RILPL2: variants seen among roughly 807,000 people sequenced by gnomAD.
RILPL2 encodes the protein Rab interacting lysosomal protein like 2.
In RILPL2, 19 loss-of-function variants were observed where a neutral mutation model predicts 22.2. That is an observed-to-expected ratio of 0.86 (90% CI 0.60 to 1.25). The LOEUF (loss-of-function observed/expected upper bound fraction) is 1.25, where lower values mean the gene tolerates loss of function less well. Ranked by LOEUF, RILPL2 falls within the 50% of genes most tolerant of loss-of-function variation. RILPL2 has a pLI of 0.00. For missense variants in RILPL2, 243 were observed against 263.6 expected (o/e 0.92, Z 0.54); for synonymous variants, 123 against 111.6 (o/e 1.10, Z -0.64).
intron 2 of RILPL2, among the ~76,000 whole-genome samples, chr12:123,428,644 G>T (rs1230612264): frequency 6.6e-6 from 1 of 152,144 alleles, no homozygotes; most frequent in Non-Finnish European, 1.5e-5. Context: ...AAGCTTTCGT[G>T]ATCTAAATGC....
chr12:123,436,421 G>A lies in RILPL2; in HGVS notation c.-1C>T. 1.3e-6 allele frequency: 2 copies of A among 1,545,940 alleles called. No individual in the cohort carries two copies. The highest frequency in any genetic ancestry group is 1.7e-6 in the Non-Finnish European group (2 of 1,146,648). On this transcript the variant is annotated 5_prime_UTR_variant, in exon 1 of 4. Transcript: ENST00000280571. The surrounding 1 kb of genome is among the most constrained non-coding windows in gnomAD (Gnocchi z 6.7). ...CTTCTCGCACAGGGGGCTCCTCCAT[G>A]GCCACCCAGACCCCCGCCGACCTCG... is the stretch of plus-strand genomic sequence containing the variant.
rs1387073787 is a variant in RILPL2 at position 123,423,165 on chromosome 12, A to G, written c.492-8T>C. On this transcript the variant is annotated splice_region_variant and splice_polypyrimidine_tract_variant and intron_variant, in intron 2 of 3. Coordinates refer to ENST00000280571, the MANE Select transcript of RILPL2 (RefSeq NM_145058.3). ...CTTGGTGGAATCAGGCCACTGGGAA[A>G]CGGGACAAAAAATAAATGGATTATT... 2.0e-6 allele frequency: 3 copies of G among 1,534,108 alleles called. No homozygotes were observed. The highest frequency in any genetic ancestry group is 2.8e-5 in the African/African-American group (2 of 71,364).
At chr12:123,411,050 T>TTTA (rs1566087448), downstream of RILPL2, 15 of 149,380 alleles carry the variant, frequency 1.0e-4, no homozygotes, top group African/African-American at 3.4e-4. Context: ...TTATTTATTT[T>TTTA]TTTTTTGAGA....
At chr12:123,430,070 C>T (rs1040523626) in intron 2 of RILPL2, among the ~76,000 whole-genome samples, 4 of 133,866 alleles carry the variant, frequency 3.0e-5, no homozygotes, top group Non-Finnish European at 3.1e-5. Context: ...GAGCCAAGAT[C>T]GCACCACTGG....
chr12:123,410,021 C>T, the RILPL2 span, among the ~76,000 whole-genome samples: 13 of 151,998 alleles, frequency 8.6e-5, no homozygotes, highest in Non-Finnish European at 1.3e-4. Flanking sequence ...CCACTGCACC[C>T]GGCCACAGTA....
intron 3 of RILPL2, among the ~76,000 whole-genome samples, chr12:123,420,247 G>A (rs550997830): frequency 2.0e-3 from 303 of 151,602 alleles, no homozygotes; most frequent in African/African-American, 6.2e-3. Context: ...GGATGGTCTC[G>A]ATCTCCTGAC....
At chr12:123,422,373 A>G (rs998082661) in intron 3 of RILPL2, among the ~76,000 whole-genome samples, 1 of 152,074 alleles carries the variant, frequency 6.6e-6, no homozygotes, top group East Asian at 1.9e-4. Flanking sequence ...AAAATTAGCC[A>G]GGCATGGTGG....
intron 2 of RILPL2, among the ~76,000 whole-genome samples, chr12:123,423,814 C>T (rs1188194341): frequency 3.3e-5 from 5 of 152,020 alleles, no homozygotes; most frequent in East Asian, 3.9e-4. Flanking sequence ...CCACCACACC[C>T]GGCTCATTTT....
intron 3 of RILPL2, among the ~76,000 whole-genome samples, chr12:123,421,578 T>TTCTC (rs1384906719): frequency 6.6e-6 from 1 of 151,982 alleles, no homozygotes; most frequent in Non-Finnish European, 1.5e-5. Flanking sequence ...GCCAGAGGTA[T>TTCTC]TCTCCCCTGT....
intron 1 of RILPL2, among the ~76,000 whole-genome samples, chr12:123,432,988 G>T (rs1247660418): frequency 6.9e-6 from 1 of 144,458 alleles, no homozygotes; most frequent in Non-Finnish European, 1.5e-5. Context: ...TAATAATTAA[G>T]AAGAAGAAGA....
At chr12:123,421,440 G>GA in intron 3 of RILPL2, among the ~76,000 whole-genome samples, 1 of 152,104 alleles carries the variant, frequency 6.6e-6, no homozygotes, top group Non-Finnish European at 1.5e-5. Flanking sequence ...ATATTGGGAA[G>GA]AAAACTGCTA....
the RILPL2 span, among the ~76,000 whole-genome samples, chr12:123,409,713 CCTTTTTTTTTTTTTTT>C: frequency 5.3e-5 from 6 of 113,388 alleles, 1 homozygote; most frequent in African/African-American, 2.5e-4. Flanking sequence ...CCACACCTGG[CCTTTTTTTTTTTTTTT>C]TTTTTTTTTT....
intron 1 of RILPL2, among the ~76,000 whole-genome samples, chr12:123,434,454 C>T (rs1443399462): frequency 2.0e-5 from 3 of 150,820 alleles, no homozygotes; most frequent in East Asian, 1.9e-4. Flanking sequence ...GACAAAATCT[C>T]GCTCTGTCAC....
At chr12:123,427,465 T>A (rs911382785) in intron 2 of RILPL2, among the ~76,000 whole-genome samples, 6 of 151,976 alleles carry the variant, frequency 3.9e-5, no homozygotes, top group African/African-American at 1.4e-4. Flanking sequence ...AGTGGCAAAG[T>A]TTCATTGCAA....
rs1202548691 is a variant in RILPL2 at position 123,430,507 on chromosome 12, C to T, written c.491+1G>A. 6 of 1,603,374 alleles carry T rather than the reference C, an allele frequency of 3.7e-6. No homozygotes were observed. Among genetic ancestry groups the T allele is most frequent in the Non-Finnish European group, 5.1e-6 (6 of 1,173,930 alleles). On this transcript the variant is annotated splice_donor_variant, in intron 2 of 3. Coordinates refer to ENST00000280571, the MANE Select transcript of RILPL2 (RefSeq NM_145058.3). LOFTEE classifies it high-confidence loss of function. ...AGGACCCTCCAGGCAGTGGAGCCCACCTCTTGTAGCACTGCAGCTCTTCCT... is the reference window on the plus strand; with the variant it reads ...AGGACCCTCCAGGCAGTGGAGCCCATCTCTTGTAGCACTGCAGCTCTTCCT...
At chr12:123,418,981 T>C (rs1270886908) in intron 3 of RILPL2, among the ~76,000 whole-genome samples, 1 of 149,524 alleles carries the variant, frequency 6.7e-6, no homozygotes, top group Non-Finnish European at 1.5e-5. Flanking sequence ...CCTCCAAAAG[T>C]GCTGAGATTA....
At chr12:123,430,253 C>CA (rs990683289) in intron 2 of RILPL2, among the ~76,000 whole-genome samples, 24 of 150,560 alleles carry the variant, frequency 1.6e-4, no homozygotes, top group South Asian at 1.5e-3. Context: ...ACTAAAAATA[C>CA]AAAAAATTAG....
intron 3 of RILPL2, among the ~76,000 whole-genome samples, chr12:123,418,736 ATTTC>A (rs1879186386): frequency 7.5e-6 from 1 of 132,556 alleles, no homozygotes; most frequent in African/African-American, 2.8e-5. Context: ...CACTGACTTG[ATTTC>A]TTTTTCTTTT....
intron 3 of RILPL2, among the ~76,000 whole-genome samples, chr12:123,416,159 T>TA (rs11389907): frequency 0.38 from 53,476 of 142,430 alleles, 10,000 homozygotes; most frequent in Non-Finnish European, 0.44. Context: ...ACCCCATCTC[T>TA]AAAAAAAAAA....
Sources: allele counts gnomAD v4.1 joint callset (sites outside exome capture counted in the v4.1 genomes callset), GRCh38; gene constraint gnomAD v4.1.1; non-coding constraint Gnocchi (gnomAD v3.1); transcripts MANE v1.5; gene names NCBI Gene and HGNC (gene_info 2026-07-23, HGNC 2026-07-21).